TRPC4AP: variants seen among roughly 807,000 people sequenced by gnomAD.
TRPC4AP encodes short transient receptor potential channel 4-associated protein.
Under a neutral mutation model 99.0 loss-of-function variants are expected in TRPC4AP, and 45 were observed. The observed-to-expected ratio is 0.45, with a 90% CI of 0.36 to 0.58. The LOEUF (loss-of-function observed/expected upper bound fraction) is 0.58, where lower values mean the gene tolerates loss of function less well. Among genes scored for constraint, TRPC4AP ranks in the 20% least tolerant of loss-of-function variants. The pLI, the probability that TRPC4AP is intolerant of heterozygous loss-of-function variation, is 0.00. For missense variants in TRPC4AP, 879 were observed against 985.3 expected (o/e 0.89, Z 1.44); for synonymous variants, 408 against 385.8 (o/e 1.06, Z -0.67).
chr20:35,050,105 G>C (rs2083658925), intron 5 of TRPC4AP, 111 bp from the exon 6 acceptor site: 1 of 1,206,422 alleles, frequency 8.3e-7, no homozygotes, highest in East Asian at 2.5e-5. Flanking sequence ...AAACTGGCAT[G>C]AGTCAACAAA....
chr20:35,069,038 G>A (rs1198563941), intron 3 of TRPC4AP, among the ~76,000 whole-genome samples: 2 of 150,798 alleles, frequency 1.3e-5, no homozygotes, highest in Non-Finnish European at 1.5e-5. Flanking sequence ...AACTGGTTCT[G>A]AGGAGGGGAC....
At chr20:35,047,941 C>T (rs1255648318) in intron 6 of TRPC4AP, among the ~76,000 whole-genome samples, 1 of 151,824 alleles carries the variant, frequency 6.6e-6, no homozygotes, top group Admixed American at 6.6e-5. Flanking sequence ...GCCTGTTCAA[C>T]TACAAAACAA....
chr20:35,084,496 CTA>C (rs1569154698), intron 1 of TRPC4AP, among the ~76,000 whole-genome samples: 3 of 55,092 alleles, frequency 5.4e-5, no homozygotes, highest in Non-Finnish European at 1.4e-4. Flanking sequence ...ATGTATATAT[CTA>C]TATATGTATA....
chr20:35,073,336 G>A (rs755890311), intron 2 of TRPC4AP, among the ~76,000 whole-genome samples: 4 of 152,150 alleles, frequency 2.6e-5, no homozygotes, highest in Non-Finnish European at 5.9e-5. Context: ...TGCTGAGAGA[G>A]GGCACCCCTG....
At chr20:35,027,674 T>G (rs1399751546) in intron 8 of TRPC4AP, among the ~76,000 whole-genome samples, 1 of 152,220 alleles carries the variant, frequency 6.6e-6, no homozygotes, top group Non-Finnish European at 1.5e-5. Context: ...GGGCAGTTTT[T>G]CATTATTTAT....
intron 1 of TRPC4AP, among the ~76,000 whole-genome samples, chr20:35,089,627 G>A (rs1340741301): frequency 6.6e-6 from 1 of 152,108 alleles, no homozygotes; most frequent in African/African-American, 2.4e-5. Context: ...AAGGCAGGGG[G>A]ATCATGACGT....
chr20:35,063,966 C>T (rs1436667481), intron 3 of TRPC4AP, among the ~76,000 whole-genome samples: 1 of 152,220 alleles, frequency 6.6e-6, no homozygotes, highest in Non-Finnish European at 1.5e-5. Context: ...GGAATACTCC[C>T]GAATCTTAAC....
intron 15 of TRPC4AP, among the ~76,000 whole-genome samples, chr20:35,006,153 G>A (rs1043228709): frequency 1.3e-5 from 2 of 152,078 alleles, no homozygotes; most frequent in Non-Finnish European, 2.9e-5. Context: ...CCCTACAGCG[G>A]CTCCCACCGT....
intron 16 of TRPC4AP, 115 bp from the exon 17 acceptor site, chr20:35,004,685 A>G (rs568001403): frequency 5.0e-6 from 4 of 803,468 alleles, no homozygotes; most frequent in African/African-American, 3.4e-5. Flanking sequence ...GCTCATCATC[A>G]AAACAGCTTC....
intron 18 of TRPC4AP, 61 bp downstream of exon 18, chr20:35,003,349 C>A: frequency 6.2e-7 from 1 of 1,612,866 alleles, no homozygotes; most frequent in Admixed American, 1.7e-5. Context: ...ACCGGGACAC[C>A]CCTCTGAGAG....
intron 6 of TRPC4AP, 101 bp downstream of exon 6, chr20:35,049,765 T>G (rs2083651380): frequency 7.4e-7 from 1 of 1,352,212 alleles, no homozygotes; most frequent in African/African-American, 1.5e-5. Flanking sequence ...AGACATAATT[T>G]AACACTTTCT....
chr20:35,068,154 G>A (rs2145987546), intron 3 of TRPC4AP, among the ~76,000 whole-genome samples: 1 of 152,264 alleles, frequency 6.6e-6, no homozygotes, highest in South Asian at 2.1e-4. Flanking sequence ...TAATTTGGGT[G>A]GTAGTGCAAA....
chr20:35,013,601 A>G (rs1054422771), intron 10 of TRPC4AP, among the ~76,000 whole-genome samples: 1 of 152,154 alleles, frequency 6.6e-6, no homozygotes, highest in African/African-American at 2.4e-5. Context: ...ACCAACAAAC[A>G]AAACAACACG....
chr20:35,031,221 C>A (rs2083184100), intron 8 of TRPC4AP, among the ~76,000 whole-genome samples: 2 of 151,464 alleles, frequency 1.3e-5, no homozygotes, highest in East Asian at 3.9e-4. Context: ...TCAAGATTTT[C>A]TTATCTTTCA....
Position 35,049,928 on chromosome 20 carries a change from T to A in TRPC4AP, c.595A>T (p.Thr199Ser), listed in dbSNP as rs756093774. 2.5e-6 allele frequency: 4 copies of A among 1,614,132 alleles called. No individual in the cohort carries two copies. Among genetic ancestry groups the A allele is most frequent in the Non-Finnish European group, 3.4e-6 (4 of 1,179,970 alleles). Residue 199 changes from threonine (T) to serine (S), a missense_variant, in exon 6 of 19, where the codon ACA becomes TCA. Transcript: ENST00000252015. ...GTTTGTAAGAATGTCTTCTTACTTG[T>A]CATCAATGTAAACAGGAAGATCACA... ...DFVIFLFTLM[T>S]SKKTFLQTAT...
At chr20:35,072,662 CCA>C in intron 2 of TRPC4AP, among the ~76,000 whole-genome samples, 1 of 152,176 alleles carries the variant, frequency 6.6e-6, no homozygotes, top group East Asian at 1.9e-4. Context: ...GGTAATAGTA[CCA>C]TGCTGTTTTG....
intron 2 of TRPC4AP, 51 bp downstream of exon 2, chr20:35,077,993 CTT>C: frequency 6.6e-7 from 1 of 1,508,110 alleles, no homozygotes; most frequent in Non-Finnish European, 8.9e-7. Flanking sequence ...CAGCAGACAT[CTT>C]GTGTCACCTA....
At chr20:35,021,030 T>C (rs1473923501) in intron 9 of TRPC4AP, among the ~76,000 whole-genome samples, 160 bp downstream of exon 9, 1 of 152,234 alleles carries the variant, frequency 6.6e-6, no homozygotes, top group African/African-American at 2.4e-5. Context: ...GGAATCAGCC[T>C]GGTTTCCTTA....
At chr20:35,039,087 C>CA (rs895636147) in intron 7 of TRPC4AP, among the ~76,000 whole-genome samples, 31 of 150,588 alleles carry the variant, frequency 2.1e-4, no homozygotes, top group South Asian at 2.1e-4. Flanking sequence ...TAAAACAAAG[C>CA]AAAAAAAACA....
Sources: allele counts gnomAD v4.1 joint callset (sites outside exome capture counted in the v4.1 genomes callset), GRCh38; gene constraint gnomAD v4.1.1; transcripts MANE v1.5; gene names NCBI Gene and HGNC (gene_info 2026-07-23, HGNC 2026-07-21).